Variants in CSTPP1 observed in about 807,000 individuals in gnomAD.
CSTPP1 encodes centriolar satellite-associated tubulin polyglutamylase complex regulator 1.
chr11:46,986,682 G>T, the CSTPP1 span, among the ~76,000 whole-genome samples: 2 of 152,012 alleles, frequency 1.3e-5, no homozygotes, highest in African/African-American at 4.8e-5. Context: ...TTGCCAAGCT[G>T]GTCTCGAACT....
the CSTPP1 span, among the ~76,000 whole-genome samples, chr11:47,016,390 C>CAAA: frequency 2.7e-3 from 336 of 125,770 alleles, 5 homozygotes; most frequent in Middle Eastern, 4.2e-3. Flanking sequence ...ATGGAATCTA[C>CAAA]AAAAAACAAA....
chr11:47,161,513 G>A, the CSTPP1 span: 1 of 1,614,138 alleles, frequency 6.2e-7, no homozygotes, highest in Non-Finnish European at 8.5e-7. Context: ...CAGTCCAGAG[G>A]CCAGTTGCCT....
the CSTPP1 span, among the ~76,000 whole-genome samples, chr11:46,994,860 C>T: frequency 6.6e-6 from 1 of 152,164 alleles, no homozygotes; most frequent in Non-Finnish European, 1.5e-5. Flanking sequence ...AGTACCAGCT[C>T]CTCTTTGTAC....
chr11:47,013,186 A>T, the CSTPP1 span, among the ~76,000 whole-genome samples: 1 of 148,264 alleles, frequency 6.7e-6, no homozygotes. Context: ...AACATATATA[A>T]CCATATGTAG....
chr11:46,957,914 G>A, the CSTPP1 span, among the ~76,000 whole-genome samples: 14 of 152,228 alleles, frequency 9.2e-5, no homozygotes, highest in East Asian at 2.7e-3. Flanking sequence ...AATAGGATAT[G>A]TAAAGACCTA....
chr11:47,121,295 A>T, the CSTPP1 span, among the ~76,000 whole-genome samples: 1 of 152,198 alleles, frequency 6.6e-6, no homozygotes, highest in Non-Finnish European at 1.5e-5. Flanking sequence ...TAAAACTGCG[A>T]GTATAATCAG....
the CSTPP1 span, among the ~76,000 whole-genome samples, chr11:46,966,188 G>A: frequency 6.6e-6 from 1 of 152,070 alleles, no homozygotes; most frequent in Admixed American, 6.6e-5. Flanking sequence ...GACTACAGAC[G>A]TGCGCCACCA....
the CSTPP1 span, among the ~76,000 whole-genome samples, chr11:47,024,376 CT>C: frequency 1.9e-3 from 270 of 144,360 alleles, no homozygotes; most frequent in Admixed American, 1.9e-3. Flanking sequence ...TTCTCTCTCT[CT>C]TTTTTTTTTT....
the CSTPP1 span, among the ~76,000 whole-genome samples, chr11:47,125,890 G>A: frequency 6.6e-6 from 1 of 152,026 alleles, no homozygotes; most frequent in Non-Finnish European, 1.5e-5. Flanking sequence ...GGTGGCACGT[G>A]CCTGTAATCC....
the CSTPP1 span, among the ~76,000 whole-genome samples, chr11:47,021,438 C>T: frequency 1.3e-5 from 2 of 152,152 alleles, no homozygotes; most frequent in African/African-American, 4.8e-5. Flanking sequence ...AGAAAGGGGC[C>T]CCCATATGTG....
the CSTPP1 span, among the ~76,000 whole-genome samples, chr11:47,020,491 T>C: frequency 2.6e-5 from 4 of 152,084 alleles, no homozygotes; most frequent in South Asian, 2.1e-4. Flanking sequence ...AGATCTCTTG[T>C]GGTTTTTTTT....
the CSTPP1 span, among the ~76,000 whole-genome samples, chr11:47,159,301 G>C: frequency 1.3e-5 from 2 of 152,110 alleles, no homozygotes; most frequent in Admixed American, 6.5e-5. Context: ...CCTAAGGTCA[G>C]GAGTTCAAGA....
chr11:46,985,479 G>T, the CSTPP1 span, among the ~76,000 whole-genome samples: 1 of 152,136 alleles, frequency 6.6e-6, no homozygotes, highest in Non-Finnish European at 1.5e-5. Context: ...TCACTTTGGG[G>T]TTTTTTGTTC....
the CSTPP1 span, among the ~76,000 whole-genome samples, chr11:46,992,181 TATA>T: frequency 6.6e-6 from 1 of 152,134 alleles, no homozygotes; most frequent in Non-Finnish European, 1.5e-5. Flanking sequence ...TAGATTTTGT[TATA>T]ATAAGGACTA....
chr11:46,940,484 G>T, the CSTPP1 span, among the ~76,000 whole-genome samples: 1 of 152,128 alleles, frequency 6.6e-6, no homozygotes, highest in East Asian at 1.9e-4. Flanking sequence ...GAAAGAGAAT[G>T]CCTGTTTCCC....
chr11:47,030,941 A>T, the CSTPP1 span, among the ~76,000 whole-genome samples: 1 of 152,184 alleles, frequency 6.6e-6, no homozygotes, highest in African/African-American at 2.4e-5. Context: ...CAGTGTGAGG[A>T]ATCCTCAAAG....
chr11:46,950,705 G>A, the CSTPP1 span, among the ~76,000 whole-genome samples: 1 of 150,938 alleles, frequency 6.6e-6, no homozygotes. Context: ...TCCACCTCCC[G>A]GGTTCAAGCA....
the CSTPP1 span, chr11:47,161,260 C>G: frequency 6.2e-7 from 1 of 1,612,250 alleles, no homozygotes; most frequent in African/African-American, 1.3e-5. Context: ...TGTGCCCCAT[C>G]TGGGGCCAAC....
At chr11:46,938,858 G>A in the CSTPP1 span, among the ~76,000 whole-genome samples, 2 of 143,788 alleles carry the variant, frequency 1.4e-5, no homozygotes, top group African/African-American at 5.1e-5. Flanking sequence ...GCTCACTGCA[G>A]CCTCAACCTC....
Sources: gnomAD v4.1 joint callset for allele counts (sites outside exome capture counted in the v4.1 genomes callset) on GRCh38, gnomAD v4.1.1 for gene constraint, MANE v1.5 for transcripts, NCBI Gene and HGNC (gene_info 2026-07-23, HGNC 2026-07-21) for gene names.